Variants in PLPPR1 observed in about 807,000 individuals in gnomAD.
PLPPR1 encodes phospholipid phosphatase-related protein type 1.
In PLPPR1, 10 loss-of-function variants were observed where a neutral mutation model predicts 33.1. That is an observed-to-expected ratio of 0.30 (90% CI 0.19 to 0.51). PLPPR1 has a LOEUF of 0.51. Ranked by LOEUF, PLPPR1 falls within the 20% of genes least tolerant of loss-of-function variation. The pLI, the probability that PLPPR1 is intolerant of heterozygous loss-of-function variation, is 0.97. For missense variants in PLPPR1, 304 were observed against 408.1 expected, an observed-to-expected ratio of 0.74 and a Z score of 2.20; for synonymous variants, 151 against 151.0, an observed-to-expected ratio of 1.00 and a Z score of 0.00.
In PLPPR1 at chr9:101,313,888, C is replaced by T. The variant is rs1369790548; in HGVS notation, c.813+914C>T. 1.2e-4 allele frequency among the ~76,000 whole-genome samples: 18 copies of T among 152,128 alleles called. No individual in the cohort carries two copies. In the East Asian group the frequency reaches 1.7e-3, roughly 15 times the overall value. On this transcript the variant is annotated intron_variant, in intron 6 of 7. Transcript: ENST00000374874. ...ATTCTATATTAGTTTGCCTTTTCTACGATTTCATATTAATTGAATCATAAT... is the reference window on the plus strand; with the variant it reads ...ATTCTATATTAGTTTGCCTTTTCTATGATTTCATATTAATTGAATCATAAT...
Position 101,077,373 on chromosome 9 carries a change from G to A in PLPPR1, c.-46+48271G>A, listed in dbSNP as rs77456424. Among the ~76,000 whole-genome samples, 1,052 of 152,144 alleles carry A rather than the reference G, an allele frequency of 6.9e-3. 13 individuals carry two copies. The highest frequency in any genetic ancestry group is 0.024 in the African/African-American group (1,016 of 41,510). On this transcript the variant is annotated intron_variant, in intron 1 of 7. Transcript: ENST00000374874. ...CTCCAGCCGACTGGCTTAACCATTT[G>A]TGTATTACTTGAAACTTTGCTGCCT...
At chr9:101,226,649 G>A (rs1357759708) in intron 2 of PLPPR1, among the ~76,000 whole-genome samples, 1 of 152,040 alleles carries the variant, frequency 6.6e-6, no homozygotes, top group East Asian at 1.9e-4. Flanking sequence ...CCATTTATGA[G>A]GGCTTCAACC....
Position 101,273,948 on chromosome 9 carries a change from G to A in PLPPR1, c.252+3880G>A, listed in dbSNP as rs531996804. ...TTTTCTCTCCTCTCAGAGTAAAAGT[G>A]ATAGGTCTTCTTTATTTTAAGATTT... On this transcript the variant is annotated intron_variant, in intron 3 of 7. Transcript: ENST00000374874. Among the ~76,000 whole-genome samples, 3 of 152,338 alleles carry A rather than the reference G, an allele frequency of 2.0e-5. No individual in the cohort carries two copies. In the South Asian group the frequency reaches 6.2e-4, roughly 32 times the overall value.
intron 2 of PLPPR1, among the ~76,000 whole-genome samples, chr9:101,246,498 T>C (rs983678171): frequency 6.6e-6 from 1 of 152,006 alleles, no homozygotes; most frequent in African/African-American, 2.4e-5. Context: ...GTAGATACTA[T>C]TGTTTCCATT....
At chr9:101,045,824 G>A (rs557498557) in intron 1 of PLPPR1, among the ~76,000 whole-genome samples, 21 of 152,266 alleles carry the variant, frequency 1.4e-4, no homozygotes, top group South Asian at 1.0e-3. Flanking sequence ...TTGAAAAATG[G>A]GTTCATAATA....
At chr9:101,149,573 A>G (rs774142523) in intron 1 of PLPPR1, among the ~76,000 whole-genome samples, 60 of 152,180 alleles carry the variant, frequency 3.9e-4, no homozygotes, top group Non-Finnish European at 6.0e-4. Flanking sequence ...TAAAATTCTC[A>G]GGTCATGTTT....
chr9:101,239,991 TTC>T (rs1564012434), intron 2 of PLPPR1, among the ~76,000 whole-genome samples: 1 of 152,054 alleles, frequency 6.6e-6, no homozygotes, highest in East Asian at 1.9e-4. Context: ...CCTAAAACAT[TTC>T]TCTTAAGTTA....
chr9:101,195,155 G>A (rs1826374009), intron 2 of PLPPR1, among the ~76,000 whole-genome samples: 1 of 152,062 alleles, frequency 6.6e-6, no homozygotes, highest in African/African-American at 2.4e-5. Context: ...AAACAAACAT[G>A]GTGATTCACA....
intron 5 of PLPPR1, among the ~76,000 whole-genome samples, chr9:101,310,446 C>T (rs1828933446): frequency 6.6e-6 from 1 of 152,154 alleles, no homozygotes; most frequent in Non-Finnish European, 1.5e-5. Context: ...AAGGAAGCCT[C>T]CTTTCAAACT....
chr9:101,063,983 A>G (rs1383914026), intron 1 of PLPPR1, among the ~76,000 whole-genome samples: 1 of 152,122 alleles, frequency 6.6e-6, no homozygotes, highest in Non-Finnish European at 1.5e-5. Context: ...GTAGATGCTT[A>G]ACAAATATTT....
chr9:101,073,917 C>T (rs1307913441), intron 1 of PLPPR1, among the ~76,000 whole-genome samples: 3 of 152,054 alleles, frequency 2.0e-5, no homozygotes, highest in Non-Finnish European at 4.4e-5. Context: ...TATTAATATC[C>T]TATTATCATG....
intron 1 of PLPPR1, among the ~76,000 whole-genome samples, chr9:101,159,196 A>G (rs1332497244): frequency 6.6e-6 from 1 of 152,186 alleles, no homozygotes; most frequent in African/African-American, 2.4e-5. Flanking sequence ...AAAGTGGGGA[A>G]ACAAGCCCCC....
chr9:101,127,025 C>G (rs549548264), intron 1 of PLPPR1, among the ~76,000 whole-genome samples: 3 of 144,998 alleles, frequency 2.1e-5, no homozygotes, highest in African/African-American at 7.5e-5. Context: ...CTTTACTGCA[C>G]TAAAGAGTGA....
intron 2 of PLPPR1, among the ~76,000 whole-genome samples, chr9:101,258,123 T>C (rs1376203830): frequency 1.3e-5 from 2 of 152,090 alleles, no homozygotes; most frequent in Admixed American, 1.3e-4. Flanking sequence ...CACAAGTAGT[T>C]AATGGTCAAT....
At chr9:101,268,883 A>G (rs1182743217) in intron 2 of PLPPR1, among the ~76,000 whole-genome samples, 3 of 152,176 alleles carry the variant, frequency 2.0e-5, no homozygotes. Flanking sequence ...ATCTAAGCAC[A>G]TGTTTAGTTT....
At chr9:101,080,056 T>TC (rs1830599508) in intron 1 of PLPPR1, among the ~76,000 whole-genome samples, 1 of 152,206 alleles carries the variant, frequency 6.6e-6, no homozygotes, top group Non-Finnish European at 1.5e-5. Flanking sequence ...AAATCTAAGA[T>TC]TTATATCTTC....
intron 2 of PLPPR1, among the ~76,000 whole-genome samples, chr9:101,213,216 T>G (rs1459282354): frequency 6.6e-6 from 1 of 152,180 alleles, no homozygotes; most frequent in Non-Finnish European, 1.5e-5. Flanking sequence ...TTTATCAGAA[T>G]TTTTATAATA....
At chr9:101,281,753 A>G (rs1190215693) in intron 3 of PLPPR1, among the ~76,000 whole-genome samples, 3 of 152,172 alleles carry the variant, frequency 2.0e-5, no homozygotes, top group African/African-American at 4.8e-5. Context: ...AGGAAACATT[A>G]CAACTGACAC....
At chr9:101,239,060 AGT>A (rs60620773) in intron 2 of PLPPR1, among the ~76,000 whole-genome samples, 80,951 of 147,298 alleles carry the variant, frequency 0.55, 22,792 homozygotes, top group East Asian at 0.7. Context: ...AATTTCATTG[AGT>A]GTGTGTGTGT....
Sources: gnomAD v4.1 joint callset for allele counts (sites outside exome capture counted in the v4.1 genomes callset) on GRCh38, gnomAD v4.1.1 for gene constraint, MANE v1.5 for transcripts, NCBI Gene and HGNC (gene_info 2026-07-23, HGNC 2026-07-21) for gene names.